The following CC2D2A variants were observed in gnomAD, a reference collection of about 807,000 sequenced individuals.
CC2D2A encodes the protein coiled-coil and C2 domain-containing protein 2A.
Under a neutral mutation model 212.9 loss-of-function variants are expected in CC2D2A, and 155 were observed. That is an observed-to-expected ratio of 0.73 (90% confidence interval 0.64 to 0.83). CC2D2A has a LOEUF of 0.83. Among genes scored for constraint, CC2D2A ranks in the 40% least tolerant of loss-of-function variants. The pLI, the probability that CC2D2A is intolerant of heterozygous loss-of-function variation, is 0.00. For missense variants in CC2D2A, 1,856 were observed against 1,956.2 expected (o/e 0.95, Z 0.97); for synonymous variants, 667 against 686.5 (o/e 0.97, Z 0.44).
chr4:15,536,359 A>G (rs1718131249), intron 14 of CC2D2A, among the ~76,000 whole-genome samples: 1 of 152,196 alleles, frequency 6.6e-6, no homozygotes, highest in East Asian at 1.9e-4. Context: ...CCTAATGTAG[A>G]TGATGGGTTG....
chr4:15,500,466 A>AG (rs1282159804), intron 4 of CC2D2A, among the ~76,000 whole-genome samples: 1 of 152,180 alleles, frequency 6.6e-6, no homozygotes, highest in African/African-American at 2.4e-5. Context: ...AGAATGCCAA[A>AG]GGCCATTTTA....
chr4:15,579,516 T>C (rs1367913267), intron 29 of CC2D2A, among the ~76,000 whole-genome samples: 1 of 152,142 alleles, frequency 6.6e-6, no homozygotes, highest in Non-Finnish European at 1.5e-5. Flanking sequence ...TTGATATAGA[T>C]CCATAAATTT....
chr4:15,498,708 A>G (rs1189444744), intron 4 of CC2D2A, among the ~76,000 whole-genome samples: 1 of 152,222 alleles, frequency 6.6e-6, no homozygotes, highest in Admixed American at 6.5e-5. Context: ...CCCATTAGCT[A>G]TGATGTCAAA....
At chr4:15,599,162 A>T (rs1318372469) in intron 35 of CC2D2A, among the ~76,000 whole-genome samples, 4 of 151,702 alleles carry the variant, frequency 2.6e-5, no homozygotes, top group Non-Finnish European at 5.9e-5. Context: ...TCCTGCCTTT[A>T]AAAAAAATTA....
chr4:15,573,283 T>G (rs952915053), intron 28 of CC2D2A, among the ~76,000 whole-genome samples: 1 of 152,176 alleles, frequency 6.6e-6, no homozygotes, highest in African/African-American at 2.4e-5. Flanking sequence ...GTACTTTCCA[T>G]GCCATAGTTT....
chr4:15,511,222 G>A (rs16892080), intron 7 of CC2D2A, 25 bp from the exon 8 acceptor site: 3 of 1,575,322 alleles, frequency 1.9e-6, no homozygotes, highest in East Asian at 4.6e-5. Context: ...ATGGGAAATT[G>A]CGATTGCTCC....
chr4:15,542,802 C>T (rs1718527593), intron 17 of CC2D2A, among the ~76,000 whole-genome samples: 1 of 152,138 alleles, frequency 6.6e-6, no homozygotes, highest in South Asian at 2.1e-4. Context: ...CTGTGGTGGG[C>T]AGCTCTTCTA....
chr4:15,594,896 GC>G (rs1247663026), intron 33 of CC2D2A, among the ~76,000 whole-genome samples: 1 of 151,822 alleles, frequency 6.6e-6, no homozygotes, highest in East Asian at 1.9e-4. Context: ...GAAATACTGG[GC>G]TGAAGCAGTC....
At position 15,540,874 on chromosome 4, in the gene CC2D2A, T is replaced by C. The variant is rs769428879; in HGVS notation, c.2041T>C (p.Ser681Pro). The stretch of plus-strand genomic sequence containing the variant: ...GAGAAGGGAGGATGTAAAGAAGCGC[T>C]CAGTGTACTTAAAAGTGCTGTTCAA... ...VSRREDVKKR[S>P]VYLKVLFNNK... Residue 681 changes from serine (S) to proline (P), a missense_variant, in exon 17 of 37, where the codon TCA becomes CCA. By Grantham distance (74) the Ser-to-Pro change is moderately conservative. Around this residue, in one of 5 missense-constraint regions of CC2D2A, gnomAD observed 1,512 missense variants for 1,579.3 expected, o/e 0.96. Coordinates refer to ENST00000424120, the MANE Select transcript of CC2D2A (RefSeq NM_001378615.1). The C allele has an allele frequency of 6.3e-7, 1 of 1,599,474 alleles. No homozygotes were observed. The highest frequency in any genetic ancestry group is 8.5e-7 in the Non-Finnish European group (1 of 1,172,860).
chr4:15,487,560 T>C (rs1715064503), intron 4 of CC2D2A, among the ~76,000 whole-genome samples: 1 of 152,098 alleles, frequency 6.6e-6, no homozygotes, highest in Non-Finnish European at 1.5e-5. Context: ...TTCTTATAGG[T>C]AGCATATAAT....
intron 11 of CC2D2A, among the ~76,000 whole-genome samples, chr4:15,524,447 A>ACTTTTTTT (rs1717386647): frequency 1.1e-5 from 1 of 89,970 alleles, no homozygotes; most frequent in East Asian, 3.4e-4. Context: ...AAAATTTTTA[A>ACTTTTTTT]TTTTTTTTTT....
intron 12 of CC2D2A, 80 bp downstream of exon 12, chr4:15,527,736 C>T (rs1717592521): frequency 1.9e-6 from 2 of 1,035,784 alleles, no homozygotes; most frequent in Non-Finnish European, 2.8e-6. Flanking sequence ...TTTCTAACAG[C>T]AAAATGTTCA....
chr4:15,483,088 T>C (rs947354434), intron 4 of CC2D2A, among the ~76,000 whole-genome samples: 1 of 152,114 alleles, frequency 6.6e-6, no homozygotes, highest in African/African-American at 2.4e-5. Flanking sequence ...GTGGAGCATA[T>C]GGTGGATAAG....
chr4:15,475,474 G>C (rs1465610439), intron 1 of CC2D2A, among the ~76,000 whole-genome samples: 2 of 152,060 alleles, frequency 1.3e-5, no homozygotes, highest in African/African-American at 2.4e-5. Context: ...GGGACATGGG[G>C]GTTCATAGTA....
chr4:15,562,940 G>C (rs1010774245), intron 23 of CC2D2A, among the ~76,000 whole-genome samples: 8 of 152,248 alleles, frequency 5.3e-5, no homozygotes, highest in Admixed American at 3.9e-4. Context: ...GTCTCTGGGG[G>C]AGGTGGACAC....
chr4:15,488,827 G>A (rs1458585541), intron 4 of CC2D2A, among the ~76,000 whole-genome samples: 4 of 152,226 alleles, frequency 2.6e-5, no homozygotes, highest in Non-Finnish European at 4.4e-5. Flanking sequence ...GCCCGGAGGT[G>A]CCACCTCCCT....
chr4:15,496,350 T>C (rs899674864), intron 4 of CC2D2A, among the ~76,000 whole-genome samples: 1 of 152,184 alleles, frequency 6.6e-6, no homozygotes, highest in Non-Finnish European at 1.5e-5. Flanking sequence ...ACTTTTAGGG[T>C]TTCTAAAGTT....
chr4:15,555,049 A>C, intron 19 of CC2D2A, 23 bp from the exon 20 acceptor site: 2 of 1,597,414 alleles, frequency 1.3e-6, no homozygotes, highest in East Asian at 2.3e-5. Flanking sequence ...AGTCAGTCTC[A>C]TGGAATCAAC....
At position 15,580,058 on chromosome 4, in the gene CC2D2A, A is replaced by G; in HGVS notation, c.3862A>G (p.Thr1288Ala). Residue 1288 changes from threonine to alanine, a missense_variant, in exon 30 of 37, where the codon ACA (threonine) becomes GCA (alanine). By Grantham distance (58) the Thr-to-Ala change is moderately conservative. Coordinates refer to ENST00000424120, the MANE Select transcript of CC2D2A (RefSeq NM_001378615.1). ...AAAGTTTCCAAATCGTCAGTGCCTT[A>G]CAACAGTAATTGATATAAGCGGAAA... Reference protein sequence around the residue: ...ALKFPNRQCLTTVIDISGKTV... With the variant: ...ALKFPNRQCLATVIDISGKTV... The G allele has an allele frequency of 1.2e-6, 2 of 1,614,000 alleles. No individual in the cohort carries two copies. The highest frequency in any genetic ancestry group is 1.7e-5 in the Admixed American group (1 of 60,036).
Sources: allele counts gnomAD v4.1 joint callset (sites outside exome capture counted in the v4.1 genomes callset), GRCh38; gene constraint gnomAD v4.1.1; regional missense constraint gnomAD v4.1.1; transcripts MANE v1.5; gene names NCBI Gene and HGNC (gene_info 2026-07-23, HGNC 2026-07-21).